PPARG: variants seen among roughly 807,000 people sequenced by gnomAD.
PPARG encodes peroxisome proliferator activated receptor gamma, also known as peroxisome proliferator-activated receptor gamma.
Under a neutral mutation model 39.2 loss-of-function variants are expected in PPARG, and 17 were observed. The observed-to-expected ratio is 0.43, with a 90% CI of 0.30 to 0.65. The LOEUF is 0.65. Ranked by LOEUF, PPARG falls within the 30% of genes least tolerant of loss-of-function variation. The pLI, the probability that PPARG is intolerant of heterozygous loss-of-function variation, is 0.13. For synonymous variants in PPARG, 223 were observed against 215.7 expected, an observed-to-expected ratio of 1.03 and a Z score of -0.30; for missense variants, 406 against 585.9, an observed-to-expected ratio of 0.69 and a Z score of 3.17.
At chr3:12,414,981 T>A (rs183129465) in intron 6 of PPARG, among the ~76,000 whole-genome samples, 1 of 152,226 alleles carries the variant, frequency 6.6e-6, no homozygotes, top group Non-Finnish European at 1.5e-5. Flanking sequence ...GTTGGTGTTA[T>A]TTCCTCCAGT....
At chr3:12,361,530 T>C (rs2048846820) in intron 2 of PPARG, among the ~76,000 whole-genome samples, 1 of 152,252 alleles carries the variant, frequency 6.6e-6, no homozygotes, top group South Asian at 2.1e-4. Flanking sequence ...TTTGTGTATG[T>C]TGTAAGGCAA....
intron 7 of PPARG, among the ~76,000 whole-genome samples, chr3:12,423,123 A>T (rs944654838): frequency 6.6e-5 from 10 of 152,152 alleles, no homozygotes; most frequent in African/African-American, 2.4e-4. Context: ...TGTTTGCAGA[A>T]CTCCCCACAA....
chr3:12,346,121 G>A (rs1256107816), intron 2 of PPARG, among the ~76,000 whole-genome samples: 1 of 152,184 alleles, frequency 6.6e-6, no homozygotes, highest in Non-Finnish European at 1.5e-5. Context: ...CTAGAAAGTG[G>A]TTAAACAGGT....
chr3:12,404,596 G>A (rs2050591835), intron 5 of PPARG, among the ~76,000 whole-genome samples: 2 of 152,134 alleles, frequency 1.3e-5, no homozygotes, highest in Admixed American at 1.3e-4. Context: ...TTGAGGTCAG[G>A]AGTTTGAGAC....
intron 4 of PPARG, among the ~76,000 whole-genome samples, chr3:12,387,869 TAA>T (rs1163993029): frequency 1.4e-5 from 1 of 70,852 alleles, no homozygotes; most frequent in Non-Finnish European, 2.7e-5. Context: ...TTTAAGTCTT[TAA>T]TCCATCTTGA....
At chr3:12,405,802 A>C in intron 5 of PPARG, 80 bp from the exon 6 acceptor site, 1 of 1,437,414 alleles carries the variant, frequency 7.0e-7, no homozygotes, top group Non-Finnish European at 9.7e-7. Flanking sequence ...CTGTGTGGGA[A>C]CGAGGGCTGG....
intron 1 of PPARG, among the ~76,000 whole-genome samples, chr3:12,298,298 C>CAAAA (rs58459399): frequency 6.2e-3 from 255 of 41,354 alleles, no homozygotes; most frequent in Non-Finnish European, 6.7e-3. Flanking sequence ...GACTCTGTCT[C>CAAAA]AAAAAAAAAA....
chr3:12,310,396 A>G (rs183017318), intron 1 of PPARG, among the ~76,000 whole-genome samples: 4 of 151,270 alleles, frequency 2.6e-5, no homozygotes, highest in Non-Finnish European at 5.9e-5. Flanking sequence ...TAATTTTTAC[A>G]TACAGATTTG....
At chr3:12,321,266 G>A (rs1166718920) in intron 2 of PPARG, among the ~76,000 whole-genome samples, 1 of 152,168 alleles carries the variant, frequency 6.6e-6, no homozygotes, top group Non-Finnish European at 1.5e-5. Context: ...GGAGTGTCTT[G>A]CTTCCCTCTG....
chr3:12,315,719 T>C (rs2047371056), intron 2 of PPARG, among the ~76,000 whole-genome samples: 1 of 152,214 alleles, frequency 6.6e-6, no homozygotes, highest in Non-Finnish European at 1.5e-5. Context: ...CTCTATTTAG[T>C]GTACTTAATA....
At chr3:12,372,708 C>T (rs2049264757) in intron 2 of PPARG, among the ~76,000 whole-genome samples, 1 of 152,158 alleles carries the variant, frequency 6.6e-6, no homozygotes, top group Non-Finnish European at 1.5e-5. Flanking sequence ...TTTTCCAACC[C>T]ACTTCCATAC....
intron 2 of PPARG, among the ~76,000 whole-genome samples, chr3:12,350,792 G>T (rs1455533477): frequency 6.6e-6 from 1 of 152,184 alleles, no homozygotes; most frequent in African/African-American, 2.4e-5. Context: ...ATCAATTGAT[G>T]TTCAAACATC....
intron 5 of PPARG, among the ~76,000 whole-genome samples, chr3:12,404,576 G>T (rs1304946065): frequency 1.3e-5 from 2 of 152,178 alleles, no homozygotes; most frequent in African/African-American, 4.8e-5. Flanking sequence ...GGCTGAGGTG[G>T]GTGAATCACT....
intron 1 of PPARG, among the ~76,000 whole-genome samples, chr3:12,295,964 A>G (rs2046771052): frequency 6.6e-6 from 1 of 152,096 alleles, no homozygotes; most frequent in South Asian, 2.1e-4. Context: ...TTTAGAAAGA[A>G]GAAAGAGCTG....
At chr3:12,404,433 G>A (rs1283626178) in intron 5 of PPARG, among the ~76,000 whole-genome samples, 5 of 152,206 alleles carry the variant, frequency 3.3e-5, no homozygotes, top group South Asian at 2.1e-4. Flanking sequence ...TATTCACAGA[G>A]TACTCAGATG....
intron 2 of PPARG, among the ~76,000 whole-genome samples, chr3:12,359,667 T>C (rs1326968016): frequency 6.7e-6 from 1 of 149,336 alleles, no homozygotes; most frequent in Non-Finnish European, 1.5e-5. Flanking sequence ...TACTTACTCT[T>C]TTATTTCTTT....
At chr3:12,411,235 A>G (rs953296439) in intron 6 of PPARG, among the ~76,000 whole-genome samples, 7 of 152,308 alleles carry the variant, frequency 4.6e-5, no homozygotes, top group African/African-American at 1.7e-4. Flanking sequence ...CAGTTGGCCA[A>G]TACCCTTGTT....
At chr3:12,372,130 T>C (rs764603473) in intron 2 of PPARG, 2 of 719,666 alleles carry the variant, frequency 2.8e-6, no homozygotes, top group South Asian at 2.9e-5. Context: ...TCTTGTTGCC[T>C]AGCTGAACAC....
At chr3:12,300,322 G>A (rs2046894576) in intron 1 of PPARG, among the ~76,000 whole-genome samples, 2 of 152,178 alleles carry the variant, frequency 1.3e-5, no homozygotes, top group African/African-American at 4.8e-5. Context: ...TGGGCACACA[G>A]ATTACCACAG....
Sources: gnomAD v4.1 joint callset for allele counts (sites outside exome capture counted in the v4.1 genomes callset) on GRCh38, gnomAD v4.1.1 for gene constraint, MANE v1.5 for transcripts, NCBI Gene and HGNC (gene_info 2026-07-23, HGNC 2026-07-21) for gene names.